UST: variants seen among roughly 807,000 people sequenced by gnomAD.
The protein encoded by UST is chondroitin sulfate 2-O-sulfotransferase.
UST carries 21 observed loss-of-function variants against 45.6 expected under a neutral mutation model. The observed-to-expected ratio is 0.46, with a 90% confidence interval of 0.33 to 0.66. The LOEUF (loss-of-function observed/expected upper bound fraction) is 0.66, where lower values mean the gene tolerates loss of function less well. UST is among the 30% of genes least tolerant of loss of function. The pLI, the probability that UST is intolerant of heterozygous loss-of-function variation, is 0.02. For missense variants in UST, 463 were observed against 512.4 expected, an observed-to-expected ratio of 0.90 and a Z score of 0.93; for synonymous variants, 215 against 200.6, an observed-to-expected ratio of 1.07 and a Z score of -0.61.
chr6:149,070,780 T>A (rs1329242135), intron 7 of UST, among the ~76,000 whole-genome samples: 2 of 150,024 alleles, frequency 1.3e-5, no homozygotes, highest in Non-Finnish European at 3.0e-5. Flanking sequence ...ATTATTATTA[T>A]TAATTTTAGA....
chr6:148,815,607 T>C (rs1285690054), intron 1 of UST, among the ~76,000 whole-genome samples: 5 of 152,236 alleles, frequency 3.3e-5, no homozygotes. Flanking sequence ...AATTTTAATG[T>C]GTATATTACA....
chr6:148,993,337 A>G (rs1409454786), intron 5 of UST, among the ~76,000 whole-genome samples: 2 of 152,050 alleles, frequency 1.3e-5, no homozygotes, highest in African/African-American at 2.4e-5. Flanking sequence ...ACCGTTGAGA[A>G]TTCTCCAGTG....
At chr6:148,911,026 C>T (rs1422502984) in intron 2 of UST, among the ~76,000 whole-genome samples, 1 of 152,134 alleles carries the variant, frequency 6.6e-6, no homozygotes, top group African/African-American at 2.4e-5. Context: ...TGGGATTCAG[C>T]CCATTGCTTC....
rs1045179133 is a variant in UST, at chr6:148,869,895, C to T, written c.248-17091C>T. The stretch of plus-strand genomic sequence containing the variant: ...TCACACCAGGCCATGGGCCAGAAAC[C>T]CATCAAACAGGAGGCAGAGCTGGAA... On this transcript the variant is annotated intron_variant, in intron 1 of 7. Transcript: ENST00000367463. Among the ~76,000 whole-genome samples, 37 of 152,126 alleles carry T rather than the reference C, an allele frequency of 2.4e-4. 1 individual carries two copies. Among genetic ancestry groups the T allele is most frequent in the South Asian group, 8.3e-4 (4 of 4,832 alleles).
At chr6:149,033,950 A>G (rs533091429) in intron 7 of UST, among the ~76,000 whole-genome samples, 4 of 152,282 alleles carry the variant, frequency 2.6e-5, no homozygotes, top group Admixed American at 1.3e-4. Context: ...GCGCAGCTAG[A>G]TGTTTCTTCG....
At chr6:148,942,702 A>G (rs1166147642) in intron 3 of UST, among the ~76,000 whole-genome samples, 2 of 152,198 alleles carry the variant, frequency 1.3e-5, no homozygotes, top group African/African-American at 4.8e-5. Context: ...CCAATTGCGT[A>G]TTTCCATTTT....
chr6:148,792,571 C>T (rs1045793767), intron 1 of UST, among the ~76,000 whole-genome samples: 1 of 152,196 alleles, frequency 6.6e-6, no homozygotes, highest in African/African-American at 2.4e-5. Context: ...GCTTGTGGCT[C>T]AAGGATGTTG....
intron 7 of UST, among the ~76,000 whole-genome samples, chr6:149,051,190 A>C (rs759488056): frequency 6.6e-6 from 1 of 152,232 alleles, no homozygotes. Context: ...GCTTGGACTC[A>C]GCAGCCAAGA....
chr6:148,988,847 CCTT>C (rs1280772643), intron 5 of UST, among the ~76,000 whole-genome samples: 1 of 152,140 alleles, frequency 6.6e-6, no homozygotes, highest in Non-Finnish European at 1.5e-5. Context: ...TTCCATCTCT[CCTT>C]CTCCTCCTTG....
At chr6:148,987,424 A>G (rs750903139) in intron 5 of UST, among the ~76,000 whole-genome samples, 27 of 152,144 alleles carry the variant, frequency 1.8e-4, no homozygotes, top group Non-Finnish European at 2.9e-5. Flanking sequence ...TGTGCCCTAC[A>G]TGGCCCTGAG....
chr6:148,879,946 TTTTTTC>T (rs1414630231), intron 1 of UST, among the ~76,000 whole-genome samples: 2 of 69,164 alleles, frequency 2.9e-5, no homozygotes, highest in African/African-American at 1.1e-4. Flanking sequence ...TTTTTCTTTT[TTTTTTC>T]TTTTTTTTTT....
At chr6:148,998,745 A>C (rs1249842998) in intron 5 of UST, among the ~76,000 whole-genome samples, 1 of 152,260 alleles carries the variant, frequency 6.6e-6, no homozygotes, top group Non-Finnish European at 1.5e-5. Context: ...TATTAGAAGG[A>C]TAGATAGTCC....
chr6:148,958,593 GTTAAC>G (rs1562312851), intron 4 of UST, among the ~76,000 whole-genome samples: 1 of 152,142 alleles, frequency 6.6e-6, no homozygotes, highest in Non-Finnish European at 1.5e-5. Context: ...AGTTTTCAGA[GTTAAC>G]TTTAAGAAGC....
intron 1 of UST, among the ~76,000 whole-genome samples, chr6:148,844,672 C>T (rs73001122): frequency 4.6e-4 from 69 of 150,080 alleles, no homozygotes; most frequent in Non-Finnish European, 7.3e-4. Flanking sequence ...TTATTTTTTC[C>T]TGCTTTTATT....
Position 148,876,623 on chromosome 6 carries a change from T to G in UST, c.248-10363T>G, listed in dbSNP as rs1001927416. Among the ~76,000 whole-genome samples, 37 of 152,144 alleles carry G rather than the reference T, an allele frequency of 2.4e-4. 1 individual carries two copies. The highest frequency in any genetic ancestry group is 2.6e-4 in the Admixed American group (4 of 15,276). On this transcript the variant is annotated intron_variant, in intron 1 of 7. Transcript: ENST00000367463. ...ATCCATTAAGTGATTCCCCTGAGGC[T>G]CCTTTTCACCATCCCTCTTGCATAA...
intron 1 of UST, among the ~76,000 whole-genome samples, chr6:148,755,501 C>G (rs894976062): frequency 2.6e-5 from 4 of 152,160 alleles, no homozygotes; most frequent in African/African-American, 4.8e-5. Context: ...CTCTATGTCT[C>G]TACCCAAATC....
At chr6:149,056,583 G>A (rs913728647) in intron 7 of UST, among the ~76,000 whole-genome samples, 1 of 152,114 alleles carries the variant, frequency 6.6e-6, no homozygotes, top group African/African-American at 2.4e-5. Context: ...GTTTTGCCTG[G>A]TTAAAGCAAT....
chr6:148,893,351 C>T (rs1262498005), intron 2 of UST, among the ~76,000 whole-genome samples: 2 of 152,158 alleles, frequency 1.3e-5, no homozygotes, highest in African/African-American at 4.8e-5. Context: ...AACCATTGCT[C>T]AATAAAGTTG....
At chr6:148,778,465 C>T (rs961081803) in intron 1 of UST, among the ~76,000 whole-genome samples, 11 of 152,146 alleles carry the variant, frequency 7.2e-5, no homozygotes, top group Non-Finnish European at 1.3e-4. Flanking sequence ...TTGTGGGTGA[C>T]AGAAAAAGGC....
Sources: allele counts gnomAD v4.1 joint callset (sites outside exome capture counted in the v4.1 genomes callset), GRCh38; gene constraint gnomAD v4.1.1; transcripts MANE v1.5; gene names NCBI Gene and HGNC (gene_info 2026-07-23, HGNC 2026-07-21).